Variants in PHACTR1 observed in about 807,000 individuals in gnomAD.
The protein encoded by PHACTR1 is RPEL repeat containing 1.
PHACTR1 carries 16 observed loss-of-function variants against 69.2 expected under a neutral mutation model. The ratio of observed to expected loss-of-function variants is 0.23; its 90% CI spans 0.16 to 0.35. PHACTR1 has a LOEUF of 0.35. Among genes scored for constraint, PHACTR1 ranks in the 10% least tolerant of loss-of-function variants. The pLI is 1.00. For missense variants in PHACTR1, 510 were observed against 734.7 expected (o/e 0.69, Z 3.54); for synonymous variants, 312 against 284.5 (o/e 1.10, Z -0.97).
At chr6:13,249,366 C>T (rs7759491) in intron 10 of PHACTR1, among the ~76,000 whole-genome samples, 3 of 152,260 alleles carry the variant, frequency 2.0e-5, no homozygotes, top group South Asian at 2.1e-4. Context: ...CACCTTGCCC[C>T]CAAACCCCCA....
chr6:12,921,893 A>C (rs1241106204), intron 4 of PHACTR1, among the ~76,000 whole-genome samples: 3 of 120,290 alleles, frequency 2.5e-5, no homozygotes, highest in Non-Finnish European at 5.3e-5. Flanking sequence ...TGTGTATTGC[A>C]TCTCAGTGTT....
intron 4 of PHACTR1, among the ~76,000 whole-genome samples, chr6:12,813,517 C>A (rs1775250481): frequency 6.6e-6 from 1 of 152,142 alleles, no homozygotes; most frequent in African/African-American, 2.4e-5. Context: ...TTAGAGACAC[C>A]AAGTCCCTCT....
At chr6:13,218,247 A>C (rs1049649713) in intron 8 of PHACTR1, among the ~76,000 whole-genome samples, 1 of 152,198 alleles carries the variant, frequency 6.6e-6, no homozygotes, top group Non-Finnish European at 1.5e-5. Context: ...TTGATTCCCT[A>C]CAAGAGTTTC....
chr6:12,778,616 T>A (rs1375071660), intron 4 of PHACTR1, among the ~76,000 whole-genome samples: 1 of 152,178 alleles, frequency 6.6e-6, no homozygotes, highest in East Asian at 1.9e-4. Flanking sequence ...ATAAATCAAA[T>A]CCCTTAGATA....
intron 7 of PHACTR1, among the ~76,000 whole-genome samples, chr6:13,185,489 T>C (rs1012124414): frequency 2.0e-5 from 3 of 151,282 alleles, no homozygotes; most frequent in Non-Finnish European, 2.9e-5. Context: ...AAAGACAATC[T>C]GCAAATTATG....
intron 4 of PHACTR1, among the ~76,000 whole-genome samples, chr6:12,836,592 A>G (rs1259351827): frequency 2.6e-5 from 4 of 152,198 alleles, no homozygotes; most frequent in African/African-American, 4.8e-5. Flanking sequence ...AAACTTTATT[A>G]AATTAATCAG....
At chr6:12,893,877 T>C (rs536584212) in intron 4 of PHACTR1, among the ~76,000 whole-genome samples, 1 of 152,242 alleles carries the variant, frequency 6.6e-6, no homozygotes, top group South Asian at 2.1e-4. Flanking sequence ...GGAGAGAAGA[T>C]TCTGGAACCC....
At chr6:12,899,398 T>C (rs1380796219) in intron 4 of PHACTR1, among the ~76,000 whole-genome samples, 1 of 152,176 alleles carries the variant, frequency 6.6e-6, no homozygotes, top group African/African-American at 2.4e-5. Context: ...CTTTTACCTG[T>C]TAATGTAATT....
At chr6:12,809,857 G>C (rs979088089) in intron 4 of PHACTR1, among the ~76,000 whole-genome samples, 2 of 152,168 alleles carry the variant, frequency 1.3e-5, no homozygotes, top group African/African-American at 4.8e-5. Flanking sequence ...ACAGCAAAAT[G>C]TATGATTCTG....
intron 10 of PHACTR1, among the ~76,000 whole-genome samples, chr6:13,237,426 G>C (rs1293609096): frequency 1.3e-5 from 2 of 152,120 alleles, no homozygotes; most frequent in African/African-American, 4.8e-5. Flanking sequence ...ACTGAATTCA[G>C]CCCAATGACT....
At chr6:12,768,920 G>A (rs1258652720) in intron 4 of PHACTR1, among the ~76,000 whole-genome samples, 2 of 150,914 alleles carry the variant, frequency 1.3e-5, no homozygotes, top group Non-Finnish European at 2.9e-5. Flanking sequence ...AGCAAGATGG[G>A]CAAACTCGGA....
intron 4 of PHACTR1, among the ~76,000 whole-genome samples, chr6:12,827,937 G>A (rs574511654): frequency 2.6e-5 from 4 of 152,224 alleles, no homozygotes; most frequent in Non-Finnish European, 4.4e-5. Flanking sequence ...GGCTTGTTGG[G>A]CTTTTTTGAT....
rs1322446329 is a variant in PHACTR1 at position 13,168,525 on chromosome 6, C to G, written c.496+8241C>G. 2.0e-5 allele frequency among the ~76,000 whole-genome samples: 3 copies of G among 152,190 alleles called. No homozygotes were observed. In the South Asian group the frequency reaches 6.2e-4, roughly 32 times the overall value. On this transcript the variant is annotated intron_variant, in intron 6 of 14. Coordinates refer to ENST00000332995, the MANE Select transcript of PHACTR1 (RefSeq NM_030948.6). ...CTGGGCACCAGGAATACTAGGAAGG[C>G]CAAGCCAGGCGTCTCTGGCTGATAG...
At chr6:13,024,558 A>G (rs1011231694) in intron 4 of PHACTR1, among the ~76,000 whole-genome samples, 1 of 152,148 alleles carries the variant, frequency 6.6e-6, no homozygotes, top group African/African-American at 2.4e-5. Context: ...GAAAAGTCAA[A>G]CAGGCCACCA....
At chr6:12,735,219 TG>T (rs1173847170) in intron 3 of PHACTR1, among the ~76,000 whole-genome samples, 3 of 84,510 alleles carry the variant, frequency 3.5e-5, no homozygotes, top group Non-Finnish European at 6.6e-5. Flanking sequence ...AGGCTGCTGG[TG>T]TGTCTCCATC....
intron 4 of PHACTR1, among the ~76,000 whole-genome samples, chr6:13,012,425 A>T (rs1799544338): frequency 6.6e-6 from 1 of 152,242 alleles, no homozygotes; most frequent in Non-Finnish European, 1.5e-5. Flanking sequence ...GTTCCTAGAA[A>T]CAACTGGTAG....
At chr6:12,955,434 T>C (rs1791784792) in intron 4 of PHACTR1, among the ~76,000 whole-genome samples, 1 of 152,054 alleles carries the variant, frequency 6.6e-6, no homozygotes, top group Non-Finnish European at 1.5e-5. Flanking sequence ...CAAACTCCTA[T>C]TCTCGCCTGG....
intron 4 of PHACTR1, among the ~76,000 whole-genome samples, chr6:12,998,613 C>CA (rs113893363): frequency 0.55 from 63,497 of 116,130 alleles, 16,322 homozygotes; most frequent in African/African-American, 0.71. Context: ...AAGACCTGGT[C>CA]AAAAAAAAAA....
chr6:13,015,827 A>C (rs1205992008), intron 4 of PHACTR1, among the ~76,000 whole-genome samples: 1 of 152,232 alleles, frequency 6.6e-6, no homozygotes, highest in Admixed American at 6.5e-5. Flanking sequence ...ACACACTTCC[A>C]AAAAGCTATG....
Sources: gnomAD v4.1 joint callset for allele counts (sites outside exome capture counted in the v4.1 genomes callset) on GRCh38, gnomAD v4.1.1 for gene constraint, MANE v1.5 for transcripts, NCBI Gene and HGNC (gene_info 2026-07-23, HGNC 2026-07-21) for gene names.